The following APBB2 variants were observed in gnomAD, a reference collection of about 807,000 sequenced individuals.
The protein encoded by APBB2 is Fe65-like 1.
Under a neutral mutation model 82.5 loss-of-function variants are expected in APBB2, and 38 were observed. That is an observed-to-expected ratio of 0.46 (90% CI 0.36 to 0.60). The LOEUF (loss-of-function observed/expected upper bound fraction) is 0.60. APBB2 is among the 20% of genes least tolerant of loss of function. The pLI, the probability that APBB2 is intolerant of heterozygous loss-of-function variation, is 0.00. For missense variants in APBB2, 772 were observed against 972.3 expected, an observed-to-expected ratio of 0.79 and a Z score of 2.74; for synonymous variants, 341 against 368.2, an observed-to-expected ratio of 0.93 and a Z score of 0.85.
intron 6 of APBB2, among the ~76,000 whole-genome samples, chr4:40,983,818 C>T (rs1173513489): frequency 6.6e-6 from 1 of 152,200 alleles, no homozygotes; most frequent in African/African-American, 2.4e-5. Context: ...CTCAAGTGTT[C>T]CTCCCGCCTC....
chr4:40,848,976 G>A (rs1758480451), intron 12 of APBB2: 26 of 890,500 alleles, frequency 2.9e-5, no homozygotes, highest in South Asian at 5.2e-5. Flanking sequence ...GAACCTTTCT[G>A]CCTGTTCACT....
At chr4:40,920,284 G>T (rs578059918) in intron 10 of APBB2, among the ~76,000 whole-genome samples, 3 of 152,004 alleles carry the variant, frequency 2.0e-5, no homozygotes, top group Non-Finnish European at 2.9e-5. Flanking sequence ...TGTGCCTTTC[G>T]CCTTCTGCCA....
chr4:41,149,349 T>C (rs1469630846), intron 1 of APBB2, among the ~76,000 whole-genome samples: 2 of 151,988 alleles, frequency 1.3e-5, no homozygotes, highest in Non-Finnish European at 2.9e-5. Flanking sequence ...AAGTCTGTCT[T>C]AGCAAAGTTT....
chr4:41,079,248 C>T (rs1303342484), intron 3 of APBB2, among the ~76,000 whole-genome samples: 3 of 152,230 alleles, frequency 2.0e-5, no homozygotes. Context: ...TTTCCCCCAA[C>T]TTGGGTAAAT....
At chr4:40,886,807 A>G (rs1407250879) in intron 12 of APBB2, among the ~76,000 whole-genome samples, 1 of 152,178 alleles carries the variant, frequency 6.6e-6, no homozygotes, top group Non-Finnish European at 1.5e-5. Context: ...AAGCAGGCCA[A>G]CCTGGGTGCT....
Position 41,022,595 on chromosome 4 carries a change from C to A in APBB2, c.20-8197G>T, listed in dbSNP as rs187777959. Reference sequence around the variant, plus strand: ...CACAATTCTCACACCTTCATAAATGCATTTCTATTACAGCATCACTCATGC... The same window carrying A: ...CACAATTCTCACACCTTCATAAATGAATTTCTATTACAGCATCACTCATGC... On this transcript the variant is annotated intron_variant, in intron 5 of 17. Transcript: ENST00000508593. Among the ~76,000 whole-genome samples, 110 of 152,304 alleles carry A rather than the reference C, an allele frequency of 7.2e-4. 1 individual carries two copies. The highest frequency in any genetic ancestry group is 2.5e-3 in the African/African-American group (105 of 41,568).
At chr4:40,943,645 T>C (rs1787609941) in intron 7 of APBB2, among the ~76,000 whole-genome samples, 1 of 152,218 alleles carries the variant, frequency 6.6e-6, no homozygotes, top group Non-Finnish European at 1.5e-5. Flanking sequence ...AACAAAAGGC[T>C]GAACAAAAAT....
chr4:40,975,268 C>T (rs1334598513), intron 6 of APBB2, among the ~76,000 whole-genome samples: 2 of 152,172 alleles, frequency 1.3e-5, no homozygotes, highest in Non-Finnish European at 2.9e-5. Flanking sequence ...TGAGTAAGGG[C>T]CCAGAGAGTC....
intron 1 of APBB2, among the ~76,000 whole-genome samples, chr4:41,152,529 C>A (rs536687941): frequency 3.3e-5 from 5 of 152,096 alleles, no homozygotes; most frequent in Admixed American, 3.3e-4. Context: ...GGGATTTCAC[C>A]GTGTTAGCCA....
chr4:40,977,836 C>T (rs544733205), intron 6 of APBB2, among the ~76,000 whole-genome samples: 1 of 152,112 alleles, frequency 6.6e-6, no homozygotes, highest in Admixed American at 6.5e-5. Flanking sequence ...CCTCAAAGAG[C>T]CTTAGTTCTA....
chr4:41,025,352 A>C (rs1713553671), intron 5 of APBB2, among the ~76,000 whole-genome samples: 1 of 152,170 alleles, frequency 6.6e-6, no homozygotes, highest in Non-Finnish European at 1.5e-5. Flanking sequence ...AAAGTCAAAA[A>C]ATAATAGATG....
chr4:41,119,393 T>C (rs1198371386), intron 2 of APBB2, among the ~76,000 whole-genome samples: 1 of 151,942 alleles, frequency 6.6e-6, no homozygotes, highest in African/African-American at 2.4e-5. Flanking sequence ...AACACTAACA[T>C]GTTTCGGGCT....
chr4:41,212,573 T>C lies in APBB2; in HGVS notation c.-417+1832A>G, dbSNP rs113027228. 1.3e-3 allele frequency among the ~76,000 whole-genome samples: 205 copies of C among 152,362 alleles called. 1 individual carries two copies. Among genetic ancestry groups the C allele is most frequent in the African/African-American group, 4.7e-3 (197 of 41,582 alleles). ...TCCATTAGAAGAGGGAATAAAAGCA[T>C]AGGACCTAAAAACCTTCTGTGGAAA... On this transcript the variant is annotated intron_variant, in intron 1 of 17. Transcript: ENST00000508593.
At chr4:40,836,391 C>A (rs1339420980) in intron 12 of APBB2, among the ~76,000 whole-genome samples, 1 of 152,202 alleles carries the variant, frequency 6.6e-6, no homozygotes, top group East Asian at 1.9e-4. Context: ...GTGTGAGAAT[C>A]ACTTGAACTC....
chr4:40,856,128 C>T (rs373139773), intron 12 of APBB2, among the ~76,000 whole-genome samples: 4 of 152,294 alleles, frequency 2.6e-5, no homozygotes, highest in South Asian at 2.1e-4. Context: ...GCAGGCAGAA[C>T]CCCCATTCAT....
chr4:41,030,012 C>T (rs6853006), intron 5 of APBB2, among the ~76,000 whole-genome samples: 40,267 of 151,858 alleles, frequency 0.27, 6,526 homozygotes, highest in East Asian at 0.54. Flanking sequence ...AAAAATTAGC[C>T]GGGCATGGTG....
At chr4:40,915,759 C>A (rs1364168303) in intron 10 of APBB2, among the ~76,000 whole-genome samples, 3 of 151,978 alleles carry the variant, frequency 2.0e-5, no homozygotes, top group African/African-American at 7.3e-5. Context: ...TCCTGGGATT[C>A]TGCACTGTGC....
At position 40,934,441 on chromosome 4, in the gene APBB2, C is replaced by CA. The variant is rs766133694; in HGVS notation, c.1254+14dup. ...AAGAATATAACCTGGTGGCTGAAAGCAAGTCTTTACAAACCTTGGCTTCTG... is the reference window on the plus strand; with the variant it reads ...AAGAATATAACCTGGTGGCTGAAAGCAAAGTCTTTACAAACCTTGGCTTCTG... On this transcript the variant is annotated intron_variant, in intron 10 of 17. Coordinates refer to ENST00000508593, the MANE Select transcript of APBB2 (RefSeq NM_004307.2). 1 of 1,612,358 alleles carries CA rather than the reference C, an allele frequency of 6.2e-7. No individual in the cohort carries two copies. The highest frequency in any genetic ancestry group is 1.7e-4 in the Middle Eastern group (1 of 6,052).
chr4:41,037,562 C>T (rs1245558010), intron 4 of APBB2, among the ~76,000 whole-genome samples: 2 of 152,096 alleles, frequency 1.3e-5, no homozygotes, highest in Admixed American at 6.5e-5. Context: ...CAGGGTAGTC[C>T]TAAGGACTGC....
Sources: allele counts gnomAD v4.1 joint callset (sites outside exome capture counted in the v4.1 genomes callset), GRCh38; gene constraint gnomAD v4.1.1; transcripts MANE v1.5; gene names NCBI Gene and HGNC (gene_info 2026-07-23, HGNC 2026-07-21).